Variants in SYNDIG1 observed in about 807,000 individuals in gnomAD.
SYNDIG1 encodes synapse differentiation-inducing gene protein 1.
In SYNDIG1, 9 loss-of-function variants were observed where a neutral mutation model predicts 19.4. The observed-to-expected ratio is 0.46, with a 90% CI of 0.28 to 0.81. SYNDIG1 has a LOEUF of 0.81. SYNDIG1 is among the 30% of genes least tolerant of loss of function. SYNDIG1 has a pLI of 0.12. For missense variants in SYNDIG1, 311 were observed against 343.3 expected (o/e 0.91, Z 0.74); for synonymous variants, 141 against 145.9 (o/e 0.97, Z 0.24).
chr20:24,545,260 C>T (rs769516140), intron 2 of SYNDIG1, among the ~76,000 whole-genome samples: 8 of 152,260 alleles, frequency 5.3e-5, no homozygotes, highest in East Asian at 1.9e-4. Context: ...AGGACCAAGA[C>T]GTGATGCCTG....
intron 2 of SYNDIG1, among the ~76,000 whole-genome samples, chr20:24,558,382 A>T (rs1391807643): frequency 6.6e-5 from 10 of 152,074 alleles, no homozygotes; most frequent in Admixed American, 5.9e-4. Context: ...CTTAATTATT[A>T]TTGTTTGTGT....
At chr20:24,635,895 T>C (rs188145764) in intron 3 of SYNDIG1, among the ~76,000 whole-genome samples, 1 of 152,316 alleles carries the variant, frequency 6.6e-6, no homozygotes, top group Admixed American at 6.5e-5. Context: ...CTCTCACCAG[T>C]TTATTCTCAT....
chr20:24,482,348 C>T (rs781199376), intron 1 of SYNDIG1, among the ~76,000 whole-genome samples: 2 of 152,100 alleles, frequency 1.3e-5, no homozygotes, highest in East Asian at 1.9e-4. Flanking sequence ...GGATTACAGG[C>T]GTGAGTCACC....
chr20:24,504,896 A>G (rs1032255538), intron 1 of SYNDIG1, among the ~76,000 whole-genome samples: 3 of 152,216 alleles, frequency 2.0e-5, no homozygotes, highest in Non-Finnish European at 4.4e-5. Flanking sequence ...GCAATAGCCC[A>G]GTAAGGATGT....
intron 2 of SYNDIG1, among the ~76,000 whole-genome samples, chr20:24,551,915 A>G (rs1355251542): frequency 6.6e-6 from 1 of 152,122 alleles, no homozygotes; most frequent in Admixed American, 6.5e-5. Context: ...TGTTCTGGGG[A>G]ATATGCCATG....
chr20:24,543,190 G>A lies in SYNDIG1; in HGVS notation c.93G>A (p.Leu31=). The change falls in exon 2 of 4, where the codon TTG becomes TTA. Residue 31 remains leucine, a synonymous_variant. Coordinates refer to ENST00000376862, the MANE Select transcript of SYNDIG1 (RefSeq NM_024893.3). The stretch of plus-strand genomic sequence containing the variant: ...ATGGTTTAATTAACACCAGAAACTT[G>A]ATGGCCGAGAGCAGAGATGGTCTGG... The part of the protein sequence containing the change: ...KRNGLINTRN[L]MAESRDGLVS... The A allele has an allele frequency of 6.2e-7, 1 of 1,614,074 alleles. No homozygotes were observed. Among genetic ancestry groups the A allele is most frequent in the African/African-American group, 1.3e-5 (1 of 75,030 alleles).
intron 3 of SYNDIG1, among the ~76,000 whole-genome samples, chr20:24,650,347 G>A (rs775409026): frequency 1.3e-5 from 2 of 152,170 alleles, no homozygotes; most frequent in Admixed American, 6.5e-5. Context: ...TGCCAGCTGC[G>A]CTAGAAATAA....
At position 24,512,108 on chromosome 20, in the gene SYNDIG1, A is replaced by AATATATAT. The variant is rs56002733; in HGVS notation, c.-78-30873_-78-30866dup. ...GCCATGAGGCACCATTGGTCTTTAAAATATATATATATATATATATATATA... is the reference window on the plus strand; with the variant it reads ...GCCATGAGGCACCATTGGTCTTTAAAATATATATATATATATATATATATATATATATA... On this transcript the variant is annotated intron_variant, in intron 1 of 3. Coordinates refer to ENST00000376862, the MANE Select transcript of SYNDIG1 (RefSeq NM_024893.3). Among the ~76,000 whole-genome samples, 102 of 76,532 alleles carry AATATATAT rather than the reference A, an allele frequency of 1.3e-3. 1 individual carries two copies. Among genetic ancestry groups the AATATATAT allele is most frequent in the South Asian group, 1.5e-3 (3 of 1,960 alleles). The allele number at this position is 76,532 out of a possible 152,430, so 50.2% of individuals were successfully genotyped here.
intron 1 of SYNDIG1, among the ~76,000 whole-genome samples, chr20:24,489,291 C>T (rs555186297): frequency 6.6e-6 from 1 of 152,034 alleles, no homozygotes; most frequent in Non-Finnish European, 1.5e-5. Context: ...GGGACAGGCA[C>T]AGTCACATGC....
intron 3 of SYNDIG1, among the ~76,000 whole-genome samples, chr20:24,640,226 C>G (rs766471906): frequency 1.4e-4 from 21 of 151,834 alleles, no homozygotes; most frequent in Non-Finnish European, 2.8e-4. Flanking sequence ...CCCAGCTACT[C>G]AGGAGGTTGT....
chr20:24,504,628 A>G (rs1268073508), intron 1 of SYNDIG1, among the ~76,000 whole-genome samples: 2 of 152,198 alleles, frequency 1.3e-5, no homozygotes, highest in African/African-American at 4.8e-5. Context: ...AGTTTTCTTC[A>G]GAATGAATCC....
intron 1 of SYNDIG1, among the ~76,000 whole-genome samples, chr20:24,470,572 ACT>A (rs142906673): frequency 0.027 from 4,143 of 152,046 alleles, 212 homozygotes; most frequent in African/African-American, 0.095. Context: ...CTTCATGTGC[ACT>A]CTCTGGGCAG....
intron 1 of SYNDIG1, among the ~76,000 whole-genome samples, chr20:24,509,146 G>A (rs1378756777): frequency 6.6e-6 from 1 of 152,194 alleles, no homozygotes; most frequent in East Asian, 1.9e-4. Flanking sequence ...ACAACCTGAT[G>A]GGTTATGGGC....
chr20:24,573,000 C>T (rs2058169277), intron 2 of SYNDIG1, among the ~76,000 whole-genome samples: 1 of 152,130 alleles, frequency 6.6e-6, no homozygotes, highest in Admixed American at 6.5e-5. Context: ...TACCAGCCTC[C>T]TCCACCTCCC....
At chr20:24,652,246 G>A (rs999531641) in intron 3 of SYNDIG1, among the ~76,000 whole-genome samples, 1 of 152,194 alleles carries the variant, frequency 6.6e-6, no homozygotes, top group African/African-American at 2.4e-5. Context: ...AACAAGCTGA[G>A]GCTCCCCCCA....
rs201145220 is a variant in SYNDIG1, at chr20:24,544,495, G to C, written c.480+918G>C. Reference sequence around the variant, plus strand: ...ATGTCTGTTTTTCACTAAGGTAGGCGAGAACATTTTTGTAGGTGGAGAGGA... The same window carrying C: ...ATGTCTGTTTTTCACTAAGGTAGGCCAGAACATTTTTGTAGGTGGAGAGGA... On this transcript the variant is annotated intron_variant, in intron 2 of 3. Transcript: ENST00000376862. Among the ~76,000 whole-genome samples, 12 of 152,296 alleles carry C rather than the reference G, an allele frequency of 7.9e-5. No homozygotes were observed. The East Asian group carries it at 2.3e-3, about 29-fold the overall frequency.
intron 2 of SYNDIG1, among the ~76,000 whole-genome samples, chr20:24,561,645 C>T (rs1326301): frequency 0.19 from 29,100 of 152,200 alleles, 3,237 homozygotes; most frequent in Admixed American, 0.32. Flanking sequence ...TTGCTGGCTG[C>T]TGGTCAGTTT....
intron 1 of SYNDIG1, among the ~76,000 whole-genome samples, chr20:24,471,938 C>T (rs73901836): frequency 0.017 from 2,555 of 152,262 alleles, 76 homozygotes; most frequent in African/African-American, 0.058. Context: ...TTGTTAATAT[C>T]TGATAAAATA....
intron 3 of SYNDIG1, among the ~76,000 whole-genome samples, chr20:24,613,359 G>A (rs1201585580): frequency 1.3e-5 from 2 of 152,126 alleles, no homozygotes; most frequent in Non-Finnish European, 2.9e-5. Flanking sequence ...CTGGACAGCC[G>A]CTCTCTGTCC....
Sources: allele counts gnomAD v4.1 joint callset (sites outside exome capture counted in the v4.1 genomes callset), GRCh38; gene constraint gnomAD v4.1.1; transcripts MANE v1.5; gene names NCBI Gene and HGNC (gene_info 2026-07-23, HGNC 2026-07-21).